The following SLIT3 variants were observed in gnomAD, a reference collection of about 807,000 sequenced individuals.
SLIT3 encodes slit homolog 3 protein.
Under a neutral mutation model 184.0 loss-of-function variants are expected in SLIT3, and 68 were observed. That is an observed-to-expected ratio of 0.37 (90% CI 0.30 to 0.45). The LOEUF (loss-of-function observed/expected upper bound fraction) is 0.45. Ranked by LOEUF, SLIT3 falls within the 20% of genes least tolerant of loss-of-function variation. SLIT3 has a pLI of 1.00. For missense variants in SLIT3, 1,707 were observed against 2,026.0 expected (o/e 0.84, Z 3.02); for synonymous variants, 831 against 828.6 (o/e 1.00, Z -0.05).
intron 4 of SLIT3, among the ~76,000 whole-genome samples, chr5:168,973,317 G>A (rs1334432559): frequency 1.3e-5 from 2 of 151,954 alleles, no homozygotes; most frequent in East Asian, 3.9e-4. Flanking sequence ...GTGCTATCTC[G>A]GCTCACTGCA....
chr5:168,773,844 G>T (rs1375746487), intron 13 of SLIT3, among the ~76,000 whole-genome samples: 1 of 152,176 alleles, frequency 6.6e-6, no homozygotes, highest in Non-Finnish European at 1.5e-5. Context: ...TCAGAATACA[G>T]TGACCACAGG....
chr5:168,973,593 C>T (rs539344860), intron 4 of SLIT3, among the ~76,000 whole-genome samples: 2 of 152,172 alleles, frequency 1.3e-5, no homozygotes, highest in African/African-American at 4.8e-5. Context: ...ATTTACACGG[C>T]TTGTAATTCA....
Position 168,671,290 on chromosome 5 carries a change from G to T in SLIT3, c.4035C>A (p.Ser1345=). 6.2e-7 allele frequency: 1 copy of T among 1,613,880 alleles called. No individual in the cohort carries two copies. The change falls in exon 34 of 36, where the codon TCC becomes TCA. Residue 1345 remains serine (S), a synonymous_variant. Transcript: ENST00000519560. ...CTVCKHGLCR[S]VEKDSVVCEC... is the part of the protein sequence containing the mutation. Reference sequence around the variant, plus strand: ...CGCACACCACGCTGTCCTTCTCCACGGAGCGGCACAGGCCGTGCTTGCACA... The same window carrying T: ...CGCACACCACGCTGTCCTTCTCCACTGAGCGGCACAGGCCGTGCTTGCACA...
intron 4 of SLIT3, among the ~76,000 whole-genome samples, chr5:168,899,797 T>C (rs538365000): frequency 3.4e-3 from 103 of 29,914 alleles, no homozygotes; most frequent in Middle Eastern, 0.025. Context: ...GGATGGAACA[T>C]TGCCCCTAAG....
chr5:168,794,598 T>TA (rs764269931), intron 10 of SLIT3, among the ~76,000 whole-genome samples: 2 of 152,180 alleles, frequency 1.3e-5, no homozygotes, highest in Non-Finnish European at 2.9e-5. Context: ...TGGTGTGACT[T>TA]ACAGAGCTAA....
intron 5 of SLIT3, 141 bp from the exon 6 acceptor site, chr5:168,844,796 G>GTCTGCCACGCTGCTCCGTCTCTCC: frequency 1.5e-6 from 1 of 661,314 alleles, no homozygotes; most frequent in Non-Finnish European, 2.7e-6. Context: ...GAGCCAGCCT[G>GTCTGCCACGCTGCTCCGTCTCTCC]TCTGCCACGC....
intron 4 of SLIT3, among the ~76,000 whole-genome samples, chr5:169,086,254 G>C (rs765753750): frequency 1.3e-5 from 2 of 152,336 alleles, no homozygotes; most frequent in African/African-American, 4.8e-5. Context: ...CAAGCAGCAA[G>C]GATCAGAACC....
chr5:169,225,476 G>A (rs1038243601), intron 3 of SLIT3, among the ~76,000 whole-genome samples: 2 of 152,326 alleles, frequency 1.3e-5, no homozygotes, highest in Middle Eastern at 3.4e-3. Context: ...TTCCGGCCAG[G>A]CACGATGCTA....
rs955951895 is a variant in SLIT3 at position 168,806,553 on chromosome 5, G to C, written c.828C>G (p.Asn276Lys). 2 of 1,614,074 alleles carry C rather than the reference G, an allele frequency of 1.2e-6. No homozygotes were observed. The highest frequency in any genetic ancestry group is 1.7e-5 in the Admixed American group (1 of 60,012). The change falls in exon 9 of 36, where the codon AAC (asparagine) becomes AAG (lysine). Residue 276 changes from asparagine (N) to lysine (K), a missense_variant. Physicochemically the swap from Asn to Lys is moderately conservative, Grantham distance 94. Around this residue, in one of 3 missense-constraint regions of SLIT3, gnomAD observed 1,307 missense variants for 1,511.6 expected, o/e 0.86. Coordinates refer to ENST00000519560, the MANE Select transcript of SLIT3 (RefSeq NM_003062.4). ...TGCAGGGCGAAGGGCAGGAGATGGA[G>C]TTGGCATTGCAGGATGGGGGCTCCG... ...PHSEPPSCNA[N>K]SISCPSPCTC...
intron 1 of SLIT3, among the ~76,000 whole-genome samples, chr5:169,284,263 CA>C (rs954691828): frequency 9.8e-5 from 15 of 152,310 alleles, no homozygotes; most frequent in Non-Finnish European, 1.3e-4. Context: ...AATTAAAACT[CA>C]GCTGTGGATG....
chr5:168,869,336 T>A (rs1189208498), intron 5 of SLIT3, among the ~76,000 whole-genome samples: 2 of 152,218 alleles, frequency 1.3e-5, no homozygotes, highest in Admixed American at 6.5e-5. Flanking sequence ...AGTGACTATG[T>A]GACCCTGGGT....
chr5:168,682,238 C>A (rs1339540346), intron 32 of SLIT3, among the ~76,000 whole-genome samples: 3 of 152,252 alleles, frequency 2.0e-5, no homozygotes, highest in African/African-American at 7.2e-5. Context: ...GGTCAACACC[C>A]TTTTCTTTGC....
At chr5:168,998,858 AC>A (rs1755604035) in intron 4 of SLIT3, among the ~76,000 whole-genome samples, 1 of 151,836 alleles carries the variant, frequency 6.6e-6, no homozygotes, top group African/African-American at 2.4e-5. Flanking sequence ...CCCCAGTCCC[AC>A]TGAATCAGAA....
At chr5:169,284,925 C>G (rs1244162627) in intron 1 of SLIT3, among the ~76,000 whole-genome samples, 2 of 150,190 alleles carry the variant, frequency 1.3e-5, no homozygotes, top group Non-Finnish European at 3.0e-5. Flanking sequence ...TTTTTTTTTT[C>G]TTGGAGACAG....
rs1165698770 is a variant in SLIT3, at chr5:169,214,599, T to G, written c.342-21049A>C. On this transcript the variant is annotated intron_variant, in intron 3 of 35. Transcript: ENST00000519560. ...TGGTGGTGGTGGAAGTGGGTGGAGT[T>G]CTTTAACACCAGTATACTGAACCTG... Among the ~76,000 whole-genome samples the G allele has an allele frequency of 3.1e-4, 47 of 152,088 alleles. 1 individual carries two copies. The highest frequency in any genetic ancestry group is 3.1e-3 in the Admixed American group (47 of 15,274).
At chr5:169,182,986 G>A (rs1763218589) in intron 4 of SLIT3, among the ~76,000 whole-genome samples, 1 of 152,188 alleles carries the variant, frequency 6.6e-6, no homozygotes, top group African/African-American at 2.4e-5. Flanking sequence ...GGGCTCAGCT[G>A]TCACAGTTTC....
intron 5 of SLIT3, among the ~76,000 whole-genome samples, chr5:168,852,873 G>T (rs542516167): frequency 2.0e-5 from 3 of 152,306 alleles, no homozygotes; most frequent in Admixed American, 1.3e-4. Flanking sequence ...GTGTATTAAT[G>T]AAGTGTGTGC....
chr5:169,157,319 G>A (rs562281655), intron 4 of SLIT3, among the ~76,000 whole-genome samples: 2 of 152,196 alleles, frequency 1.3e-5, no homozygotes, highest in Non-Finnish European at 2.9e-5. Context: ...CCAGCACCCA[G>A]CAGTAAAGAA....
intron 4 of SLIT3, among the ~76,000 whole-genome samples, chr5:168,952,559 G>A (rs1252293099): frequency 2.5e-5 from 3 of 119,620 alleles, no homozygotes; most frequent in Admixed American, 8.1e-5. Flanking sequence ...GAGGGGAGAA[G>A]GCAAAGGGAT....
Sources: gnomAD v4.1 joint callset for allele counts (sites outside exome capture counted in the v4.1 genomes callset) on GRCh38, gnomAD v4.1.1 for gene constraint, gnomAD v4.1.1 regional missense constraint, MANE v1.5 for transcripts, NCBI Gene and HGNC (gene_info 2026-07-23, HGNC 2026-07-21) for gene names.